The following GAS2 variants were observed in gnomAD, a reference collection of about 807,000 sequenced individuals.
GAS2 encodes the protein growth arrest specific 2.
Under a neutral mutation model 37.5 loss-of-function variants are expected in GAS2, and 20 were observed. The ratio of observed to expected loss-of-function variants is 0.53; its 90% CI spans 0.37 to 0.77. GAS2 has a LOEUF of 0.77. Ranked by LOEUF, GAS2 falls within the 30% of genes least tolerant of loss-of-function variation. The pLI, the probability that GAS2 is intolerant of heterozygous loss-of-function variation, is 0.00. For missense variants in GAS2, 336 were observed against 373.4 expected, an observed-to-expected ratio of 0.90 and a Z score of 0.82; for synonymous variants, 144 against 132.2, an observed-to-expected ratio of 1.09 and a Z score of -0.61.
chr11:22,728,680 T>C lies in GAS2; in HGVS notation c.409+2247T>C, dbSNP rs144853894. ...GCTTAATGAAAAGATAAATTTGCAA[T>C]TTCTCCTGCTCAGAATAGAACCCAA... On this transcript the variant is annotated intron_variant, in intron 4 of 7. Transcript: ENST00000454584. 7.9e-4 allele frequency among the ~76,000 whole-genome samples: 120 copies of C among 151,896 alleles called. No individual in the cohort carries two copies. In the East Asian group the frequency reaches 0.01, roughly 13 times the overall value.
chr11:22,671,895 T>A (rs1849218349), intron 1 of GAS2, among the ~76,000 whole-genome samples: 1 of 152,152 alleles, frequency 6.6e-6, no homozygotes, highest in Non-Finnish European at 1.5e-5. Flanking sequence ...TGTTTCGTAT[T>A]CATGGATTAG....
chr11:22,764,810 C>T (rs1054621367), intron 7 of GAS2, among the ~76,000 whole-genome samples: 1 of 152,150 alleles, frequency 6.6e-6, no homozygotes, highest in Non-Finnish European at 1.5e-5. Context: ...AAACTTACCA[C>T]TATTGGCCAT....
intron 2 of GAS2, among the ~76,000 whole-genome samples, chr11:22,683,665 CT>C (rs34167397): frequency 0.52 from 74,636 of 144,534 alleles, 20,942 homozygotes; most frequent in East Asian, 0.75. Flanking sequence ...AAAATAATTT[CT>C]TTTTTTTTTT....
chr11:22,664,944 G>A (rs986313358), upstream of GAS2, among the ~76,000 whole-genome samples: 1 of 151,604 alleles, frequency 6.6e-6, no homozygotes, highest in African/African-American at 2.4e-5. Flanking sequence ...ATTTCTTCTC[G>A]TATTTTTCTT....
At chr11:22,626,631 C>G (rs750730561) in intron 1 of GAS2, 1 of 152,162 alleles carries the variant, frequency 6.6e-6, no homozygotes, top group Non-Finnish European at 1.5e-5. Context: ...TTTGTCAACT[C>G]CTAGGAGTTG....
intron 1 of GAS2, among the ~76,000 whole-genome samples, chr11:22,643,975 T>C (rs1489426857): frequency 4.6e-5 from 7 of 152,098 alleles, no homozygotes; most frequent in Admixed American, 4.6e-4. Flanking sequence ...TTTTTCTGGA[T>C]GGCTGAAGTT....
At chr11:22,751,367 G>A (rs1166538567) in intron 6 of GAS2, among the ~76,000 whole-genome samples, 1 of 151,882 alleles carries the variant, frequency 6.6e-6, no homozygotes. Flanking sequence ...GGTATAACTG[G>A]CAAATCATTC....
At chr11:22,778,027 C>G (rs10500942) in intron 7 of GAS2, among the ~76,000 whole-genome samples, 34,248 of 151,920 alleles carry the variant, frequency 0.23, 4,571 homozygotes, top group Middle Eastern at 0.39. Flanking sequence ...ACTTAATTGG[C>G]TATTAATGGA....
chr11:22,803,549 G>T (rs1443121555), intron 7 of GAS2, among the ~76,000 whole-genome samples: 1 of 152,102 alleles, frequency 6.6e-6, no homozygotes, highest in East Asian at 1.9e-4. Context: ...AAGGATTCTT[G>T]TCCCAGTTCT....
chr11:22,661,491 T>C (rs1422565050), intron 1 of GAS2, among the ~76,000 whole-genome samples: 1 of 152,140 alleles, frequency 6.6e-6, no homozygotes, highest in African/African-American at 2.4e-5. Context: ...TACTACATTA[T>C]AAGTGAGAAA....
chr11:22,638,258 A>T (rs1013179745), intron 1 of GAS2, among the ~76,000 whole-genome samples: 1 of 152,158 alleles, frequency 6.6e-6, no homozygotes, highest in Non-Finnish European at 1.5e-5. Context: ...GGTTCCTAAT[A>T]AAATCTTGTC....
chr11:22,696,604 G>T, intron 3 of GAS2, among the ~76,000 whole-genome samples: 1 of 151,934 alleles, frequency 6.6e-6, no homozygotes, highest in Non-Finnish European at 1.5e-5. Flanking sequence ...TCCAGCACCT[G>T]TTGTTTCCTG....
At chr11:22,682,026 A>T (rs111471939) in intron 2 of GAS2, among the ~76,000 whole-genome samples, 2 of 152,006 alleles carry the variant, frequency 1.3e-5, no homozygotes, top group East Asian at 3.8e-4. Flanking sequence ...AAAGTCTCAG[A>T]CTTGTGTTTT....
At chr11:22,682,733 G>T (rs1012879245) in intron 2 of GAS2, among the ~76,000 whole-genome samples, 6 of 151,448 alleles carry the variant, frequency 4.0e-5, no homozygotes, top group African/African-American at 1.5e-4. Flanking sequence ...CCAAAATTAG[G>T]TGGGCATGGT....
intron 7 of GAS2, among the ~76,000 whole-genome samples, chr11:22,763,252 G>A (rs1297763186): frequency 1.3e-5 from 2 of 152,116 alleles, no homozygotes; most frequent in African/African-American, 4.8e-5. Flanking sequence ...GATTATGCCT[G>A]TGTGGTAAAA....
chr11:22,788,697 AT>A (rs1855941292), intron 7 of GAS2, among the ~76,000 whole-genome samples: 1 of 152,182 alleles, frequency 6.6e-6, no homozygotes, highest in African/African-American at 2.4e-5. Context: ...TTAATTACTT[AT>A]TCCCTCATTT....
intron 7 of GAS2, among the ~76,000 whole-genome samples, chr11:22,778,735 C>T (rs1855393690): frequency 6.6e-6 from 1 of 152,110 alleles, no homozygotes; most frequent in Non-Finnish European, 1.5e-5. Flanking sequence ...GGTCACATGC[C>T]CTCTAGTGTC....
intron 1 of GAS2, among the ~76,000 whole-genome samples, chr11:22,643,553 C>T (rs921275535): frequency 4.6e-5 from 7 of 151,568 alleles, no homozygotes; most frequent in Non-Finnish European, 7.4e-5. Context: ...AGATCACCCA[C>T]ATATCTTCTG....
intron 3 of GAS2, among the ~76,000 whole-genome samples, chr11:22,693,091 C>G (rs531759690): frequency 3.3e-5 from 5 of 152,190 alleles, no homozygotes; most frequent in African/African-American, 1.2e-4. Context: ...TTTGCAGTAT[C>G]AAATCTCCAA....
Sources: gnomAD v4.1 joint callset for allele counts (sites outside exome capture counted in the v4.1 genomes callset) on GRCh38, gnomAD v4.1.1 for gene constraint, MANE v1.5 for transcripts, NCBI Gene and HGNC (gene_info 2026-07-23, HGNC 2026-07-21) for gene names.